ADAMTS6: variants seen among roughly 807,000 people sequenced by gnomAD.
The protein encoded by ADAMTS6 is A disintegrin and metalloproteinase with thrombospondin motifs 6.
Under a neutral mutation model 144.3 loss-of-function variants are expected in ADAMTS6, and 23 were observed. The observed-to-expected ratio is 0.16, with a 90% CI of 0.11 to 0.23. The LOEUF is 0.23. ADAMTS6 is among the 10% of genes least tolerant of loss of function. The pLI is 1.00. For missense variants in ADAMTS6, 999 were observed against 1,379.6 expected (o/e 0.72, Z 4.37); for synonymous variants, 444 against 457.5 (o/e 0.97, Z 0.38).
intron 24 of ADAMTS6, among the ~76,000 whole-genome samples, chr5:65,156,385 C>T (rs950420257): frequency 6.6e-6 from 1 of 151,852 alleles, no homozygotes; most frequent in African/African-American, 2.4e-5. Context: ...AAAACCACCA[C>T]CACCACCAAA....
At chr5:65,218,925 G>A (rs1757117956) in intron 18 of ADAMTS6, among the ~76,000 whole-genome samples, 1 of 152,054 alleles carries the variant, frequency 6.6e-6, no homozygotes, top group Non-Finnish European at 1.5e-5. Context: ...AATGTATTAT[G>A]ATAAATTAAA....
chr5:65,355,296 G>A (rs560848452), intron 7 of ADAMTS6, among the ~76,000 whole-genome samples: 20 of 151,880 alleles, frequency 1.3e-4, no homozygotes, highest in African/African-American at 4.8e-4. Context: ...GACAAGAAGT[G>A]CAAGATTCAA....
intron 2 of ADAMTS6, among the ~76,000 whole-genome samples, chr5:65,472,691 T>A (rs535744083): frequency 6.6e-6 from 1 of 152,244 alleles, no homozygotes; most frequent in African/African-American, 2.4e-5. Flanking sequence ...TACATGGAGT[T>A]TACACACTAA....
At chr5:65,315,943 G>A (rs555883814) in intron 9 of ADAMTS6, among the ~76,000 whole-genome samples, 10 of 152,088 alleles carry the variant, frequency 6.6e-5, no homozygotes, top group Middle Eastern at 3.4e-3. Flanking sequence ...ACGGAGTCTC[G>A]CTCTGTCGCC....
chr5:65,224,325 T>G lies in ADAMTS6; in HGVS notation c.2267A>C (p.Tyr756Ser). Reference sequence around the variant, plus strand: ...AGCATACCAGTCTAACATACCAATATAGTTCTTTGACATGGCAACTTCTCT... The same window carrying G: ...AGCATACCAGTCTAACATACCAATAGAGTTCTTTGACATGGCAACTTCTCT... ...EVREVAMSKN[Y>S]IALKSEGDDY... The change falls in exon 18 of 25, where the codon TAT (tyrosine) becomes TCT (serine). Residue 756 changes from tyrosine (Y) to serine (S), a missense_variant. Tyr to Ser is a moderately radical substitution (Grantham distance 144, BLOSUM62 -2). Transcript: ENST00000381055. The G allele has an allele frequency of 6.2e-7, 1 of 1,613,746 alleles. No homozygotes were observed. The highest frequency in any genetic ancestry group is 1.1e-5 in the South Asian group (1 of 91,074).
intron 9 of ADAMTS6, among the ~76,000 whole-genome samples, chr5:65,325,219 T>C (rs945169780): frequency 1.3e-5 from 2 of 152,148 alleles, no homozygotes; most frequent in African/African-American, 4.8e-5. Flanking sequence ...ATTGTGGTGG[T>C]GGGACATGGT....
Position 65,172,987 on chromosome 5 carries a change from C to T in ADAMTS6, c.2932G>A (p.Gly978Arg), listed in dbSNP as rs1753728677. Residue 978 changes from glycine (G) to arginine (R), a missense_variant, in exon 23 of 25, where the codon GGA (glycine) becomes AGA (arginine). Gly to Arg is a moderately radical substitution (Grantham distance 125). Around this residue, in one of 3 missense-constraint regions of ADAMTS6, gnomAD observed 619 missense variants for 837.0 expected, o/e 0.74. Coordinates refer to ENST00000381055, the MANE Select transcript of ADAMTS6 (RefSeq NM_197941.4). ...WSECTPKCGP[G>R]FKHRIVLCKS... ...CACAGAACAATCCGATGCTTGAATC[C>T]TGGACCACATTTTGGAGTACACTGG... The T allele has an allele frequency of 6.2e-7, 1 of 1,613,868 alleles. No homozygotes were observed. Among genetic ancestry groups the T allele is most frequent in the African/African-American group, 1.3e-5 (1 of 75,016 alleles).
At chr5:65,169,942 T>C (rs1439889367) in intron 24 of ADAMTS6, among the ~76,000 whole-genome samples, 2 of 148,872 alleles carry the variant, frequency 1.3e-5, no homozygotes, top group Admixed American at 6.7e-5. Flanking sequence ...TGCTAGATGA[T>C]GAGTTAGTGG....
At chr5:65,303,573 A>G (rs550564023) in intron 9 of ADAMTS6, among the ~76,000 whole-genome samples, 1 of 151,736 alleles carries the variant, frequency 6.6e-6, no homozygotes, top group Non-Finnish European at 1.5e-5. Context: ...ATAGAAACAA[A>G]TTAATAAACT....
At chr5:65,344,595 A>G (rs1443204173) in intron 7 of ADAMTS6, among the ~76,000 whole-genome samples, 2 of 151,918 alleles carry the variant, frequency 1.3e-5, no homozygotes, top group East Asian at 3.8e-4. Flanking sequence ...CACTGATACA[A>G]AATTAATCAC....
chr5:65,320,063 G>A (rs1435852388), intron 9 of ADAMTS6, among the ~76,000 whole-genome samples: 4 of 152,002 alleles, frequency 2.6e-5, no homozygotes, highest in Non-Finnish European at 2.9e-5. Context: ...GGCTGGTCTC[G>A]AACTCCCCAC....
intron 16 of ADAMTS6, among the ~76,000 whole-genome samples, chr5:65,225,304 A>T (rs1757646805): frequency 2.0e-5 from 3 of 152,192 alleles, no homozygotes; most frequent in Non-Finnish European, 4.4e-5. Flanking sequence ...TCATACACAA[A>T]CTGAATCATC....
intron 14 of ADAMTS6, among the ~76,000 whole-genome samples, chr5:65,255,917 T>C (rs960500967): frequency 1.3e-5 from 2 of 152,164 alleles, no homozygotes; most frequent in Non-Finnish European, 1.5e-5. Context: ...ACCCAGGCTG[T>C]AGTGTGGTGG....
chr5:65,281,139 A>T (rs1476745584), intron 11 of ADAMTS6, among the ~76,000 whole-genome samples: 2 of 152,172 alleles, frequency 1.3e-5, no homozygotes, highest in Non-Finnish European at 1.5e-5. Flanking sequence ...AAATGTGAGA[A>T]ACTTTAGGTT....
intron 15 of ADAMTS6, among the ~76,000 whole-genome samples, chr5:65,226,549 A>T (rs1757740106): frequency 1.3e-5 from 2 of 151,882 alleles, no homozygotes; most frequent in African/African-American, 4.8e-5. Flanking sequence ...GATCATAGTG[A>T]AGGTAATTGA....
intron 11 of ADAMTS6, among the ~76,000 whole-genome samples, chr5:65,274,959 C>A (rs928905664): frequency 1.3e-5 from 2 of 152,106 alleles, no homozygotes. Context: ...GCTGAGATTA[C>A]AGGCGTGAGC....
intron 12 of ADAMTS6, among the ~76,000 whole-genome samples, chr5:65,268,987 G>A (rs549337861): frequency 1.3e-5 from 2 of 151,848 alleles, no homozygotes; most frequent in Non-Finnish European, 2.9e-5. Flanking sequence ...ACAGTGTATA[G>A]GTTCTTTCCT....
intron 14 of ADAMTS6, among the ~76,000 whole-genome samples, chr5:65,252,203 T>G (rs1162325798): frequency 6.6e-6 from 1 of 152,200 alleles, no homozygotes; most frequent in Non-Finnish European, 1.5e-5. Flanking sequence ...TGGTTGCGGA[T>G]GTATCTCCTT....
intron 9 of ADAMTS6, among the ~76,000 whole-genome samples, chr5:65,315,307 T>C (rs1744881442): frequency 6.6e-6 from 1 of 151,828 alleles, no homozygotes; most frequent in Non-Finnish European, 1.5e-5. Flanking sequence ...GTATATAAAA[T>C]TATTATATTA....
Sources: allele counts gnomAD v4.1 joint callset (sites outside exome capture counted in the v4.1 genomes callset), GRCh38; gene constraint gnomAD v4.1.1; regional missense constraint gnomAD v4.1.1; transcripts MANE v1.5; gene names NCBI Gene and HGNC (gene_info 2026-07-23, HGNC 2026-07-21).